The following CIT variants were observed in gnomAD, a reference collection of about 807,000 sequenced individuals.
CIT encodes the protein citron rho-interacting serine/threonine kinase.
A neutral mutation model predicts 272.7 loss-of-function variants in CIT; 79 were observed. The observed-to-expected ratio is 0.29, with a 90% CI of 0.24 to 0.35. The LOEUF is 0.35. Ranked by LOEUF, CIT falls within the 10% of genes least tolerant of loss-of-function variation. The probability of loss-of-function intolerance (pLI) is 1.00; values close to 1 mark genes in which losing one functional copy is unlikely to be tolerated. For missense variants in CIT, 1,909 were observed against 2,618.3 expected (o/e 0.73, Z 5.91); for synonymous variants, 948 against 995.6 (o/e 0.95, Z 0.90).
chr12:119,782,675 G>T (rs746877802), intron 12 of CIT, 38 bp from the exon 13 acceptor site: 16 of 1,610,012 alleles, frequency 9.9e-6, no homozygotes, highest in Non-Finnish European at 1.4e-5. Context: ...ATGCCCTGTG[G>T]ATCCTGCTTT....
intron 28 of CIT, among the ~76,000 whole-genome samples, chr12:119,725,716 T>C (rs1958058210): frequency 6.6e-6 from 1 of 152,186 alleles, no homozygotes; most frequent in East Asian, 1.9e-4. Context: ...GGGAACTGAA[T>C]TGGGATCCCG....
In CIT at chr12:119,735,187, T is replaced by G. The variant is rs757378698; in HGVS notation, c.3129A>C (p.Arg1043=). The G allele has an allele frequency of 9.3e-6, 15 of 1,614,040 alleles. No individual in the cohort carries two copies. The highest frequency in any genetic ancestry group is 1.3e-5 in the Non-Finnish European group (15 of 1,180,050). The change falls in exon 25 of 48, where the codon CGA becomes CGC. Residue 1043 remains arginine (R), a synonymous_variant. Coordinates refer to ENST00000392521, the MANE Select transcript of CIT (RefSeq NM_001206999.2). ...GCTTCTGGCTGGTAAGCTGCATCTC[T>G]CGTTCCGTGATCTCCCGGCGGAGAT... ...VDHLRREITE[R]EMQLTSQKQT... is the part of the protein sequence containing the mutation.
At chr12:119,716,875 T>C (rs985457004) in intron 32 of CIT, among the ~76,000 whole-genome samples, 2 of 152,142 alleles carry the variant, frequency 1.3e-5, no homozygotes, top group African/African-American at 4.8e-5. Context: ...AACAGGTGAA[T>C]TGCATGCTCA....
chr12:119,700,572 G>C, intron 44 of CIT, 173 bp downstream of exon 44: 1 of 574,928 alleles, frequency 1.7e-6, no homozygotes, highest in Non-Finnish European at 3.2e-6. Flanking sequence ...TAGTAGAAAT[G>C]GGGTTTCGCC....
chr12:119,792,628 C>T (rs1965401013), intron 10 of CIT, among the ~76,000 whole-genome samples: 2 of 151,990 alleles, frequency 1.3e-5, no homozygotes, highest in Admixed American at 6.6e-5. Context: ...CGCCACTGTA[C>T]CCAGCTAATT....
At chr12:119,827,070 AG>A (rs1968231098) in intron 7 of CIT, among the ~76,000 whole-genome samples, 1 of 152,032 alleles carries the variant, frequency 6.6e-6, no homozygotes, top group South Asian at 2.1e-4. Flanking sequence ...GGTTTTTCCA[AG>A]CCCTAAACCC....
rs181218450 is a variant in CIT at position 119,747,590 on chromosome 12, A to G, written c.2904+4460T>C. On this transcript the variant is annotated intron_variant, in intron 23 of 47. Transcript: ENST00000392521. The stretch of plus-strand genomic sequence containing the variant: ...AAAAATTAACTGGGCGTGGTGGGCG[A>G]GCACCTGTAGTCCCAGCTACTCGGG... Among the ~76,000 whole-genome samples, 301 of 149,714 alleles carry G rather than the reference A, an allele frequency of 2.0e-3. 2 individuals are homozygous for G. The highest frequency in any genetic ancestry group is 7.0e-3 in the African/African-American group (283 of 40,560).
chr12:119,741,644 T>C (rs1371021138), intron 24 of CIT, among the ~76,000 whole-genome samples: 1 of 151,980 alleles, frequency 6.6e-6, no homozygotes, highest in Non-Finnish European at 1.5e-5. Flanking sequence ...AATTCACAAA[T>C]GCAAATAATA....
intron 4 of CIT, among the ~76,000 whole-genome samples, chr12:119,851,699 A>G (rs1168425048): frequency 6.6e-6 from 1 of 152,234 alleles, no homozygotes; most frequent in Non-Finnish European, 1.5e-5. Flanking sequence ...TAGATATAAA[A>G]TATTTCCATC....
Position 119,794,641 on chromosome 12 carries a change from A to T in CIT, c.1295+8565T>A, listed in dbSNP as rs142135765. On this transcript the variant is annotated intron_variant, in intron 10 of 47. Coordinates refer to ENST00000392521, the MANE Select transcript of CIT (RefSeq NM_001206999.2). ...TGCAGGTTGAAGTGATACATCACAGACTCCATTCAGAGTAAAAAATTAGAT... is the reference window on the plus strand; with the variant it reads ...TGCAGGTTGAAGTGATACATCACAGTCTCCATTCAGAGTAAAAAATTAGAT... Among the ~76,000 whole-genome samples the T allele has an allele frequency of 2.4e-4, 36 of 152,244 alleles. No individual in the cohort carries two copies. In the East Asian group the frequency reaches 5.4e-3, roughly 23 times the overall value.
chr12:119,730,361 A>G, intron 27 of CIT, 134 bp downstream of exon 27: 3 of 902,738 alleles, frequency 3.3e-6, no homozygotes, highest in South Asian at 2.2e-5. Context: ...AAACCATGGG[A>G]CATTTTTGGA....
intron 41 of CIT, among the ~76,000 whole-genome samples, chr12:119,702,796 A>G (rs914796771): frequency 6.6e-6 from 1 of 152,148 alleles, no homozygotes; most frequent in African/African-American, 2.4e-5. Flanking sequence ...AAATACAACA[A>G]CTATTAACAG....
At chr12:119,794,281 A>G (rs894590391) in intron 10 of CIT, among the ~76,000 whole-genome samples, 2 of 151,838 alleles carry the variant, frequency 1.3e-5, no homozygotes, top group African/African-American at 4.9e-5. Context: ...TGAATGAATG[A>G]ATGAATGAAT....
Position 119,710,535 on chromosome 12 carries a change from A to G in CIT, c.4935+5T>C. 1.2e-6 allele frequency: 2 copies of G among 1,614,182 alleles called. No individual in the cohort carries two copies. Among genetic ancestry groups the G allele is most frequent in the Non-Finnish European group, 1.7e-6 (2 of 1,179,996 alleles). ...ACCAGCTGGCCGTGCCCATGCAAGC[A>G]TTACCTGGTCACTGAAGGGCAGCGT... is the stretch of plus-strand genomic sequence containing the variant. On this transcript the variant is annotated splice_donor_5th_base_variant and intron_variant, in intron 38 of 47. Transcript: ENST00000392521. The surrounding 1 kb of genome is among the most constrained non-coding windows in gnomAD (Gnocchi z 5.6).
chr12:119,740,791 A>T (rs1226014009), intron 24 of CIT, among the ~76,000 whole-genome samples: 2 of 152,222 alleles, frequency 1.3e-5, no homozygotes, highest in African/African-American at 4.8e-5. Flanking sequence ...AGAAACTAAA[A>T]TCCTAGGGCA....
At chr12:119,753,503 G>A (rs982281321) in intron 22 of CIT, among the ~76,000 whole-genome samples, 29 of 152,066 alleles carry the variant, frequency 1.9e-4, no homozygotes, top group Non-Finnish European at 2.9e-4. Flanking sequence ...TTGGGAGGCC[G>A]AGGTGGGCAG....
At chr12:119,876,042 G>A (rs1950833721) in intron 2 of CIT, 31 bp downstream of exon 2, 1 of 1,414,062 alleles carries the variant, frequency 7.1e-7, no homozygotes. Flanking sequence ...GACACACACA[G>A]GTGAGCAAAG....
At chr12:119,838,282 A>T (rs1315166137) in intron 5 of CIT, among the ~76,000 whole-genome samples, 13 of 152,166 alleles carry the variant, frequency 8.5e-5, no homozygotes, top group Non-Finnish European at 1.5e-5. Context: ...CATGTTGGCC[A>T]GGCCAGTCTC....
At chr12:119,758,956 A>G (rs548584186) in intron 20 of CIT, among the ~76,000 whole-genome samples, 1 of 152,320 alleles carries the variant, frequency 6.6e-6, no homozygotes, top group South Asian at 2.1e-4. Flanking sequence ...CTATTCAAGA[A>G]CCTAACATCC....
Sources: allele counts gnomAD v4.1 joint callset (sites outside exome capture counted in the v4.1 genomes callset), GRCh38; gene constraint gnomAD v4.1.1; non-coding constraint Gnocchi (gnomAD v3.1); transcripts MANE v1.5; gene names NCBI Gene and HGNC (gene_info 2026-07-23, HGNC 2026-07-21).